SYT1: variants seen among roughly 807,000 people sequenced by gnomAD.
The protein encoded by SYT1 is synaptotagmin 1, also known as synaptotagmin-1.
In SYT1, 8 loss-of-function variants were observed where a neutral mutation model predicts 44.8. That is an observed-to-expected ratio of 0.18 (90% confidence interval 0.10 to 0.32). SYT1 has a LOEUF of 0.32. Among genes scored for constraint, SYT1 ranks in the 10% least tolerant of loss-of-function variants. SYT1 has a pLI of 1.00. For missense variants in SYT1, 286 were observed against 509.3 expected, an observed-to-expected ratio of 0.56 and a Z score of 4.22; for synonymous variants, 154 against 188.8, an observed-to-expected ratio of 0.82 and a Z score of 1.51.
intron 3 of SYT1, among the ~76,000 whole-genome samples, chr12:79,096,367 A>G (rs1174131624): frequency 6.6e-6 from 1 of 151,932 alleles, no homozygotes; most frequent in African/African-American, 2.4e-5. Flanking sequence ...AAATATGCCA[A>G]AGAGGTACAC....
chr12:79,224,635 T>C (rs186012995), intron 4 of SYT1, among the ~76,000 whole-genome samples: 24 of 152,210 alleles, frequency 1.6e-4, no homozygotes, highest in African/African-American at 5.3e-4. Flanking sequence ...CCTTGTCAAT[T>C]GTTCTAAAGA....
chr12:79,103,116 G>C (rs1878529789), intron 3 of SYT1: 1 of 152,100 alleles, frequency 6.6e-6, no homozygotes, highest in Admixed American at 6.5e-5. Flanking sequence ...CCTTTAAGCA[G>C]TATTGACTGT....
At chr12:79,408,289 T>A (rs925915256) in intron 9 of SYT1, among the ~76,000 whole-genome samples, 1 of 152,114 alleles carries the variant, frequency 6.6e-6, no homozygotes, top group Non-Finnish European at 1.5e-5. Flanking sequence ...TTCACAACTA[T>A]TGAAGAATTA....
chr12:79,365,834 G>GAAAAAAAAAAAAA lies in SYT1; in HGVS notation c.928+12219_928+12231dup, dbSNP rs57702061. Among the ~76,000 whole-genome samples, 25 of 104,086 alleles carry GAAAAAAAAAAAAA rather than the reference G, an allele frequency of 2.4e-4. 1 individual carries two copies. The highest frequency in any genetic ancestry group is 5.1e-4 in the African/African-American group (14 of 27,300). 68.3% of individuals were successfully genotyped at this position (104,086 alleles called of 152,430 possible). ...CCTAGACTGATTGCAAAGAGTACCA[G>GAAAAAAAAAAAAA]AAAAAAAAAAAAAAAAGCAGGTCAT... On this transcript the variant is annotated intron_variant, in intron 9 of 10. Coordinates refer to ENST00000261205, the MANE Select transcript of SYT1 (RefSeq NM_005639.3).
chr12:78,971,462 A>C (rs555403110), intron 1 of SYT1, among the ~76,000 whole-genome samples: 1 of 152,276 alleles, frequency 6.6e-6, no homozygotes, highest in South Asian at 2.1e-4. Flanking sequence ...AAAAGAGTAG[A>C]TGCATTGTTC....
chr12:79,032,263 TTAGA>T lies in SYT1; in HGVS notation c.-83-15030_-83-15027del, dbSNP rs1030910359. On this transcript the variant is annotated intron_variant, in intron 2 of 10. Coordinates refer to ENST00000261205, the MANE Select transcript of SYT1 (RefSeq NM_005639.3). ...CTAGGTACTGTGAACTGAAGATTAG[TTAGA>T]TAGCATTTCTTGGGGAGCTTCTATT... Among the ~76,000 whole-genome samples, 109 of 151,370 alleles carry T rather than the reference TTAGA, an allele frequency of 7.2e-4. 1 individual carries two copies. The Middle Eastern group carries it at 0.01, about 14-fold the overall frequency.
At chr12:79,219,537 G>C (rs1186707274) in intron 4 of SYT1, among the ~76,000 whole-genome samples, 2 of 151,994 alleles carry the variant, frequency 1.3e-5, no homozygotes, top group East Asian at 1.9e-4. Flanking sequence ...TTGTGAGATA[G>C]AGTATAGTTT....
chr12:79,047,128 A>C (rs1160346559), intron 2 of SYT1, among the ~76,000 whole-genome samples, 169 bp from the exon 3 acceptor site: 1 of 151,738 alleles, frequency 6.6e-6, no homozygotes. Context: ...AATCCAAACT[A>C]TCTGTATTAT....
intron 4 of SYT1, among the ~76,000 whole-genome samples, chr12:79,250,062 G>A (rs959912014): frequency 6.6e-6 from 1 of 152,048 alleles, no homozygotes; most frequent in African/African-American, 2.4e-5. Context: ...AATTCTATAA[G>A]ATGAATATTA....
chr12:79,309,560 A>T (rs1880658534), intron 8 of SYT1, among the ~76,000 whole-genome samples: 1 of 152,118 alleles, frequency 6.6e-6, no homozygotes, highest in African/African-American at 2.4e-5. Flanking sequence ...GAGGCCAAAG[A>T]TTTTTAAAAG....
intron 1 of SYT1, among the ~76,000 whole-genome samples, chr12:78,886,650 T>G (rs1362728548): frequency 6.6e-6 from 1 of 152,046 alleles, no homozygotes. Context: ...ACCTATTGCC[T>G]GCTCTGAGAT....
intron 3 of SYT1, among the ~76,000 whole-genome samples, chr12:79,141,134 T>C (rs1869531995): frequency 6.6e-6 from 1 of 152,236 alleles, no homozygotes; most frequent in South Asian, 2.1e-4. Flanking sequence ...AGTATTGTTT[T>C]TAATTCAGCA....
rs1415419404 is a variant in SYT1 at position 79,311,581 on chromosome 12, C to T, written c.810+12030C>T. Among the ~76,000 whole-genome samples, 1,277 of 142,410 alleles carry T rather than the reference C, an allele frequency of 9.0e-3. 11 individuals carry two copies. Among genetic ancestry groups the T allele is most frequent in the African/African-American group, 0.032 (1,203 of 37,708 alleles). 93.4% of individuals were successfully genotyped at this position (142,410 alleles called of 152,430 possible). Reference sequence around the variant, plus strand: ...GACACATGCACCCGTATGTTTATTGCGGCACTATTCACAATAGCAAAGACT... The same window carrying T: ...GACACATGCACCCGTATGTTTATTGTGGCACTATTCACAATAGCAAAGACT... On this transcript the variant is annotated intron_variant, in intron 8 of 10. Transcript: ENST00000261205.
rs577170988 is a variant in SYT1, at chr12:78,970,662, A to G, written c.-216-7137A>G. 6.0e-4 allele frequency among the ~76,000 whole-genome samples: 91 copies of G among 152,296 alleles called. 1 individual carries two copies. The highest frequency in any genetic ancestry group is 2.1e-3 in the African/African-American group (87 of 41,588). ...TATTATCTTCTTCAGAGGATAGCAA[A>G]GATGTGATAAATAATCTGCTACCAC... is the stretch of plus-strand genomic sequence containing the variant. On this transcript the variant is annotated intron_variant, in intron 1 of 10. Coordinates refer to ENST00000261205, the MANE Select transcript of SYT1 (RefSeq NM_005639.3).
chr12:79,292,220 G>A, intron 6 of SYT1, 90 bp downstream of exon 6: 2 of 1,468,044 alleles, frequency 1.4e-6, no homozygotes, highest in East Asian at 2.4e-5. Context: ...AAAATATTTT[G>A]TTTGCTGTGA....
chr12:79,450,749 T>G lies in SYT1; in HGVS notation c.*1625T>G, dbSNP rs969434625. 3.2e-4 allele frequency: 49 copies of G among 152,600 alleles called. No homozygotes were observed. Among genetic ancestry groups the G allele is most frequent in the Non-Finnish European group, 2.9e-5 (2 of 68,038 alleles). The allele number at this position is 152,600 out of a possible 1,614,324, so 9.5% of individuals were successfully genotyped here. ...AAGGACCAATTCAGAACTGAAAAGCTATGCATAGGACAAGGAAGATACATA... is the reference window on the plus strand; with the variant it reads ...AAGGACCAATTCAGAACTGAAAAGCGATGCATAGGACAAGGAAGATACATA... On this transcript the variant is annotated 3_prime_UTR_variant, in exon 11 of 11. Coordinates refer to ENST00000261205, the MANE Select transcript of SYT1 (RefSeq NM_005639.3).
At chr12:78,900,205 T>G (rs1016497064) in intron 1 of SYT1, among the ~76,000 whole-genome samples, 4 of 152,134 alleles carry the variant, frequency 2.6e-5, no homozygotes, top group Admixed American at 2.0e-4. Context: ...GATGTTTATT[T>G]ACTTATTATT....
intron 3 of SYT1, among the ~76,000 whole-genome samples, chr12:79,072,870 C>T (rs562563227): frequency 2.8e-4 from 42 of 152,166 alleles, no homozygotes; most frequent in African/African-American, 8.9e-4. Flanking sequence ...CAAGTCTCTG[C>T]CCTCAAATAG....
chr12:79,358,161 A>G (rs1353595429), intron 9 of SYT1, among the ~76,000 whole-genome samples: 1 of 152,132 alleles, frequency 6.6e-6, no homozygotes, highest in African/African-American at 2.4e-5. Context: ...GAATGTCAAC[A>G]CTGTAAGTTT....
Sources: allele counts gnomAD v4.1 joint callset (sites outside exome capture counted in the v4.1 genomes callset), GRCh38; gene constraint gnomAD v4.1.1; transcripts MANE v1.5; gene names NCBI Gene and HGNC (gene_info 2026-07-23, HGNC 2026-07-21).